The following VSX2 variants were observed in gnomAD, a reference collection of about 807,000 sequenced individuals.
The protein encoded by VSX2 is visual system homeobox 2.
VSX2 carries 28 observed loss-of-function variants against 32.1 expected under a neutral mutation model. The observed-to-expected ratio is 0.87, with a 90% CI of 0.65 to 1.20. VSX2 has a LOEUF of 1.20. Ranked by LOEUF, VSX2 falls within the 50% of genes most tolerant of loss-of-function variation. The pLI is 0.00. For missense variants in VSX2, 506 were observed against 488.7 expected (o/e 1.04, Z -0.33); for synonymous variants, 243 against 214.1 (o/e 1.14, Z -1.18).
intron 4 of VSX2, among the ~76,000 whole-genome samples, chr14:74,260,100 G>T (rs545767233): frequency 1.3e-5 from 2 of 152,216 alleles, no homozygotes; most frequent in South Asian, 4.2e-4. Flanking sequence ...GCCAGAGGTG[G>T]GTTTATATTG....
intron 3 of VSX2, among the ~76,000 whole-genome samples, chr14:74,252,118 G>A (rs546764475): frequency 6.6e-6 from 1 of 152,382 alleles, no homozygotes; most frequent in African/African-American, 2.4e-5. Flanking sequence ...TGCCAGGGCG[G>A]GAGCTTGCAG....
Position 74,260,558 on chromosome 14 carries a change from G to A in VSX2, c.761-36G>A, listed in dbSNP as rs368007331. On this transcript the variant is annotated intron_variant, in intron 4 of 4. Transcript: ENST00000261980. Reference sequence around the variant, plus strand: ...TCAGTTCAAGATGGCTTTCCCAGGCGCTTTTCTAAACCCGAATACCAACAA... The same window carrying A: ...TCAGTTCAAGATGGCTTTCCCAGGCACTTTTCTAAACCCGAATACCAACAA... 5.6e-4 allele frequency: 878 copies of A among 1,563,224 alleles called. 1 individual carries two copies. Among genetic ancestry groups the A allele is most frequent in the East Asian group, 2.1e-3 (92 of 42,906 alleles).
At chr14:74,257,447 G>GC (rs1453410829) in intron 3 of VSX2, among the ~76,000 whole-genome samples, 2 of 152,260 alleles carry the variant, frequency 1.3e-5, no homozygotes, top group Non-Finnish European at 2.9e-5. Context: ...GGCGGGAGAG[G>GC]CCGGGGGCAT....
intron 3 of VSX2, among the ~76,000 whole-genome samples, chr14:74,246,024 C>A (rs544909255): frequency 3.2e-4 from 49 of 152,334 alleles, no homozygotes; most frequent in African/African-American, 1.1e-3. Flanking sequence ...TTGGCAAGTC[C>A]AGAGTCCCCT....
intron 3 of VSX2, among the ~76,000 whole-genome samples, chr14:74,257,647 G>C (rs936139474): frequency 7.9e-5 from 12 of 151,976 alleles, no homozygotes; most frequent in Middle Eastern, 3.4e-3. Context: ...CAGACTCCGC[G>C]CCGCCGGGCG....
intron 4 of VSX2, 78 bp from the exon 5 acceptor site, chr14:74,260,516 C>T: frequency 7.1e-7 from 1 of 1,409,046 alleles, no homozygotes; most frequent in Non-Finnish European, 9.8e-7. Context: ...TCTGGCCTCT[C>T]TCTATCTTTG....
chr14:74,242,427 G>C (rs758108450), intron 2 of VSX2, among the ~76,000 whole-genome samples: 1 of 152,066 alleles, frequency 6.6e-6, no homozygotes, highest in South Asian at 2.1e-4. Context: ...ACTGTTGACC[G>C]CCACCTTTTA....
In VSX2 at chr14:74,241,491, G is replaced by C. The variant is rs113305663; in HGVS notation, c.455+225G>C. ...CCGCCGGGAAAGCGGCCCGGTTCGG[G>C]CTTTCTCCTCCTTGTTCAGGAGAAA... On this transcript the variant is annotated intron_variant, in intron 2 of 4. Transcript: ENST00000261980. Among the ~76,000 whole-genome samples, 31 of 152,368 alleles carry C rather than the reference G, an allele frequency of 2.0e-4. 1 individual carries two copies. The highest frequency in any genetic ancestry group is 7.2e-4 in the African/African-American group (30 of 41,596).
chr14:74,250,119 C>T (rs1457302014), intron 3 of VSX2, among the ~76,000 whole-genome samples: 8 of 152,064 alleles, frequency 5.3e-5, no homozygotes, highest in African/African-American at 1.7e-4. Flanking sequence ...ACATGCTGGT[C>T]CCAGCTACTT....
In VSX2 at chr14:74,261,164, C is replaced by T; in HGVS notation, c.*245C>T. ...CAGCCTCAGAAGCCTTCTTGCTGCC[C>T]ACAACGTCCCCTCAAGCCCCTTCTC... On this transcript the variant is annotated 3_prime_UTR_variant, in exon 5 of 5. Transcript: ENST00000261980. 1.8e-6 allele frequency: 1 copy of T among 565,954 alleles called. No individual in the cohort carries two copies. Among genetic ancestry groups the T allele is most frequent in the Non-Finnish European group, 3.2e-6 (1 of 317,412 alleles). The allele number at this position is 565,954 out of a possible 1,614,324, so 35.1% of individuals were successfully genotyped here.
At chr14:74,242,306 C>T (rs1053618073) in intron 2 of VSX2, among the ~76,000 whole-genome samples, 1 of 152,186 alleles carries the variant, frequency 6.6e-6, no homozygotes, top group Non-Finnish European at 1.5e-5. Context: ...AGGGCGTTCT[C>T]TGGCACCCCC....
chr14:74,246,193 C>A (rs747972117), intron 3 of VSX2, among the ~76,000 whole-genome samples: 1 of 152,244 alleles, frequency 6.6e-6, no homozygotes, highest in African/African-American at 2.4e-5. Flanking sequence ...CTGCTCCCAT[C>A]GCCTGAGCGG....
intron 3 of VSX2, among the ~76,000 whole-genome samples, chr14:74,259,309 G>C (rs558728497): frequency 2.6e-3 from 401 of 152,282 alleles, no homozygotes; most frequent in Admixed American, 5.1e-3. Flanking sequence ...GGCAGGGCAG[G>C]CTTCTCAGCT....
intron 3 of VSX2, among the ~76,000 whole-genome samples, 155 bp from the exon 4 acceptor site, chr14:74,259,447 T>G (rs562543375): frequency 1.7e-4 from 25 of 145,532 alleles, no homozygotes; most frequent in African/African-American, 6.0e-4. Context: ...GAATACTCCC[T>G]GAGCCTGGAG....
rs1185169016 is a variant in VSX2 at position 74,261,708 on chromosome 14, T to C, written c.*789T>C. On this transcript the variant is annotated 3_prime_UTR_variant, in exon 5 of 5. Transcript: ENST00000261980. ...CGCTGCGTGCCATGAGTCCATGTCCTATGCCTCACAAATGCTGTGGTTCAC... is the reference window on the plus strand; with the variant it reads ...CGCTGCGTGCCATGAGTCCATGTCCCATGCCTCACAAATGCTGTGGTTCAC... 1 of 152,462 alleles carries C rather than the reference T, an allele frequency of 6.6e-6. No individual in the cohort carries two copies. Among genetic ancestry groups the C allele is most frequent in the African/African-American group, 2.4e-5 (1 of 41,474 alleles). The allele number at this position is 152,462 out of a possible 1,614,324, so 9.4% of individuals were successfully genotyped here.
intron 3 of VSX2, among the ~76,000 whole-genome samples, chr14:74,256,881 C>G (rs1013443796): frequency 5.9e-5 from 9 of 151,978 alleles, no homozygotes; most frequent in African/African-American, 1.9e-4. Flanking sequence ...CCCATGTTGG[C>G]CAGGCTGGTC....
In VSX2 at chr14:74,261,504, C is replaced by T. The variant is rs1479747335; in HGVS notation, c.*585C>T. On this transcript the variant is annotated 3_prime_UTR_variant, in exon 5 of 5. Transcript: ENST00000261980. ...AGGCCCAGGCAGGCCCAGCCTCTGCCCCACCCATCAGTGGAGTCCAGATGG... is the reference window on the plus strand; with the variant it reads ...AGGCCCAGGCAGGCCCAGCCTCTGCTCCACCCATCAGTGGAGTCCAGATGG... The T allele has an allele frequency of 1.3e-5, 2 of 153,390 alleles. No individual in the cohort carries two copies. Among genetic ancestry groups the T allele is most frequent in the African/African-American group, 4.8e-5 (2 of 41,440 alleles). 9.5% of individuals were successfully genotyped at this position (153,390 alleles called of 1,614,324 possible).
chr14:74,243,612 G>A (rs549550802), intron 2 of VSX2, among the ~76,000 whole-genome samples: 3 of 150,650 alleles, frequency 2.0e-5, no homozygotes, highest in African/African-American at 5.0e-5. Flanking sequence ...CTGTCCATGG[G>A]CCCTTCAGCA....
At chr14:74,245,678 G>A (rs1159197985) in intron 3 of VSX2, among the ~76,000 whole-genome samples, 2 of 151,986 alleles carry the variant, frequency 1.3e-5, no homozygotes, top group Non-Finnish European at 2.9e-5. Flanking sequence ...AGGCCTCTGG[G>A]TAGCTGTGAA....
Sources: allele counts gnomAD v4.1 joint callset (sites outside exome capture counted in the v4.1 genomes callset), GRCh38; gene constraint gnomAD v4.1.1; transcripts MANE v1.5; gene names NCBI Gene and HGNC (gene_info 2026-07-23, HGNC 2026-07-21).